The following ADCY8 variants were observed in gnomAD, a reference collection of about 807,000 sequenced individuals.
ADCY8 encodes the protein adenylate cyclase type 8.
In ADCY8, 51 loss-of-function variants were observed where a neutral mutation model predicts 119.7. That is an observed-to-expected ratio of 0.43 (90% CI 0.34 to 0.54). The LOEUF is 0.54. ADCY8 is among the 20% of genes least tolerant of loss of function. The pLI is 0.03. For missense variants in ADCY8, 1,383 were observed against 1,598.8 expected (o/e 0.87, Z 2.30); for synonymous variants, 665 against 651.0 (o/e 1.02, Z -0.33).
intron 9 of ADCY8, among the ~76,000 whole-genome samples, chr8:130,863,622 T>C (rs1818018665): frequency 6.6e-6 from 1 of 152,156 alleles, no homozygotes; most frequent in African/African-American, 2.4e-5. Flanking sequence ...ATATCAATTA[T>C]ATTTCTCTCT....
At position 130,903,991 on chromosome 8, in the gene ADCY8, G is replaced by A. The variant is rs75415615; in HGVS notation, c.1692C>T (p.Asn564=). Reference sequence around the variant, plus strand: ...TCTCTTTACCATGGCCCTCTTCCACGTTATAGTCACCGTTGAGACAGTCCA... The same window carrying A: ...TCTCTTTACCATGGCCCTCTTCCACATTATAGTCACCGTTGAGACAGTCCA... The part of the protein sequence containing the change: ...ATLDCLNGDY[N]VEEGHGKERN... The change falls in exon 7 of 18, where the codon AAC becomes AAT. Residue 564 remains asparagine, a synonymous_variant. Transcript: ENST00000286355. 326 of 1,614,062 alleles carry A rather than the reference G, an allele frequency of 2.0e-4. 1 individual carries two copies. In the African/African-American group the frequency reaches 3.9e-3, roughly 19 times the overall value.
chr8:130,970,833 G>C (rs1586618150), intron 2 of ADCY8, among the ~76,000 whole-genome samples: 1 of 152,202 alleles, frequency 6.6e-6, no homozygotes, highest in African/African-American at 2.4e-5. Flanking sequence ...GTTATTCTGA[G>C]TATCCAGTGA....
intron 14 of ADCY8, among the ~76,000 whole-genome samples, chr8:130,808,192 C>G (rs1816038361): frequency 2.0e-5 from 3 of 151,946 alleles, no homozygotes; most frequent in African/African-American, 7.3e-5. Context: ...CTTGTCTTCC[C>G]ACAGAAACAC....
chr8:130,927,491 T>C (rs1226048828), intron 5 of ADCY8, among the ~76,000 whole-genome samples: 1 of 152,240 alleles, frequency 6.6e-6, no homozygotes, highest in Non-Finnish European at 1.5e-5. Flanking sequence ...TTTTGGATTT[T>C]AACCTTTCAT....
intron 2 of ADCY8, among the ~76,000 whole-genome samples, chr8:130,955,415 C>A (rs529286641): frequency 6.6e-6 from 1 of 152,090 alleles, no homozygotes; most frequent in East Asian, 1.9e-4. Flanking sequence ...TTCCCCTTCA[C>A]CTTATCAGAA....
chr8:130,907,535 C>T (rs554049217), intron 6 of ADCY8, among the ~76,000 whole-genome samples: 8 of 152,116 alleles, frequency 5.3e-5, no homozygotes, highest in East Asian at 1.9e-4. Context: ...ATTTTTAAGG[C>T]GGATAATGTT....
intron 7 of ADCY8, 100 bp from the exon 8 acceptor site, chr8:130,884,861 T>C (rs1025901168): frequency 8.8e-7 from 1 of 1,141,556 alleles, no homozygotes; most frequent in East Asian, 2.4e-5. Context: ...CAAACAGTAA[T>C]AGCATTCCAT....
intron 7 of ADCY8, among the ~76,000 whole-genome samples, chr8:130,899,092 C>A (rs1367579699): frequency 6.6e-6 from 1 of 152,200 alleles, no homozygotes; most frequent in Non-Finnish European, 1.5e-5. Flanking sequence ...CACTAAACTC[C>A]TTTCTACCTC....
At chr8:130,847,275 A>G in intron 11 of ADCY8, 149 bp downstream of exon 11, 1 of 578,738 alleles carries the variant, frequency 1.7e-6, no homozygotes, top group Non-Finnish European at 3.0e-6. Context: ...GAAAAGGGAA[A>G]GAAGAAGAAA....
intron 1 of ADCY8, among the ~76,000 whole-genome samples, chr8:130,996,340 A>T (rs1042054087): frequency 2.6e-5 from 4 of 152,110 alleles, no homozygotes; most frequent in African/African-American, 9.7e-5. Context: ...AAGATGATTT[A>T]AAAGTATATC....
At chr8:130,939,118 T>C (rs1326503937) in intron 4 of ADCY8, among the ~76,000 whole-genome samples, 4 of 151,644 alleles carry the variant, frequency 2.6e-5, no homozygotes, top group African/African-American at 4.9e-5. Context: ...CAAGAAAGTA[T>C]GAACAATCCA....
At chr8:130,880,891 T>C (rs1818745919) in intron 8 of ADCY8, among the ~76,000 whole-genome samples, 1 of 152,212 alleles carries the variant, frequency 6.6e-6, no homozygotes, top group Admixed American at 6.5e-5. Flanking sequence ...TAGCATTAAC[T>C]GCTGAAGTGG....
chr8:131,039,930 G>A lies in ADCY8; in HGVS notation c.404C>T (p.Ala135Val), dbSNP rs1466400003. 2 of 1,607,022 alleles carry A rather than the reference G, an allele frequency of 1.2e-6. No homozygotes were observed. Among genetic ancestry groups the A allele is most frequent in the Non-Finnish European group, 1.7e-6 (2 of 1,176,746 alleles). The change falls in exon 1 of 18, where the codon GCC (alanine) becomes GTC (valine). Residue 135 changes from alanine to valine, a missense_variant. Ala to Val is a moderately conservative substitution (Grantham distance 64). Around this residue, in one of 2 missense-constraint regions of ADCY8, gnomAD observed 455 missense variants for 435.3 expected, o/e 1.05. Coordinates refer to ENST00000286355, the MANE Select transcript of ADCY8 (RefSeq NM_001115.3). ...AAGAAAGAAATCCGAGTTGCTAGGG[G>A]CACAGTCAAGGTGCAGGAAGCCCAG... Reference protein sequence around the residue: ...GDLGFLHLDCAPSNSDFFLNG... With the variant: ...GDLGFLHLDCVPSNSDFFLNG...
intron 7 of ADCY8, among the ~76,000 whole-genome samples, chr8:130,897,255 G>T (rs1013176023): frequency 6.6e-6 from 1 of 152,042 alleles, no homozygotes; most frequent in Non-Finnish European, 1.5e-5. Context: ...AATCAGATGA[G>T]AATTCTTCCT....
chr8:130,806,240 C>T (rs536623133), intron 14 of ADCY8, among the ~76,000 whole-genome samples: 1 of 152,318 alleles, frequency 6.6e-6, no homozygotes, highest in South Asian at 2.1e-4. Context: ...TGAGATGCTC[C>T]ACTCCAGTTG....
At position 130,836,319 on chromosome 8, in the gene ADCY8, G is replaced by A; in HGVS notation, c.2633C>T (p.Ala878Val). The A allele has an allele frequency of 1.2e-6, 2 of 1,613,952 alleles. No individual in the cohort carries two copies. The highest frequency in any genetic ancestry group is 2.2e-5 in the East Asian group (1 of 44,878). ...IYALLTETVY[A>V]GLFLRYDNLN... ...GTTGTCATAACGCAGAAAGAGGCCT[G>A]CGTAGACGGTCTCAGTGAGCAGGGC... Residue 878 changes from alanine to valine, a missense_variant, in exon 12 of 18, where the codon GCA (alanine) becomes GTA (valine). Transcript: ENST00000286355.
intron 14 of ADCY8, among the ~76,000 whole-genome samples, chr8:130,807,106 T>C (rs551538432): frequency 1.3e-5 from 2 of 152,334 alleles, no homozygotes; most frequent in South Asian, 4.1e-4. Context: ...ATGGACTTAG[T>C]AGAGGATTTT....
In ADCY8 at chr8:131,004,417, C is replaced by T. The variant is rs578180121; in HGVS notation, c.961-13875G>A. ...CATGCTCTTTCTGCAGCTTCCTCCT[C>T]ATCTGTCTGACAATCATCTATTTAA... On this transcript the variant is annotated intron_variant, in intron 1 of 17. Transcript: ENST00000286355. Among the ~76,000 whole-genome samples the T allele has an allele frequency of 1.5e-4, 23 of 152,314 alleles. No homozygotes were observed. The South Asian group carries it at 4.8e-3, about 32-fold the overall frequency.
chr8:130,932,928 T>C (rs530002617), intron 5 of ADCY8, among the ~76,000 whole-genome samples: 6 of 152,178 alleles, frequency 3.9e-5, no homozygotes, highest in Non-Finnish European at 5.9e-5. Context: ...TGGTTTGCCA[T>C]TTGCACAAAA....
Sources: gnomAD v4.1 joint callset for allele counts (sites outside exome capture counted in the v4.1 genomes callset) on GRCh38, gnomAD v4.1.1 for gene constraint, gnomAD v4.1.1 regional missense constraint, MANE v1.5 for transcripts, NCBI Gene and HGNC (gene_info 2026-07-23, HGNC 2026-07-21) for gene names.